The following CACNA1D variants were observed in gnomAD, a reference collection of about 807,000 sequenced individuals.
CACNA1D encodes the protein voltage-dependent L-type calcium channel subunit alpha-1D.
In CACNA1D, 55 loss-of-function variants were observed where a neutral mutation model predicts 257.1. That is an observed-to-expected ratio of 0.21 (90% CI 0.17 to 0.27). The LOEUF (loss-of-function observed/expected upper bound fraction) is 0.27. Among genes scored for constraint, CACNA1D ranks in the 10% least tolerant of loss-of-function variants. The pLI, the probability that CACNA1D is intolerant of heterozygous loss-of-function variation, is 1.00. For synonymous variants in CACNA1D, 980 were observed against 1,014.9 expected (o/e 0.97, Z 0.65); for missense variants, 1,876 against 2,784.0 (o/e 0.67, Z 7.34).
At chr3:53,767,869 GT>G (rs1173511814) in intron 30 of CACNA1D, among the ~76,000 whole-genome samples, 2 of 152,236 alleles carry the variant, frequency 1.3e-5, no homozygotes, top group African/African-American at 4.8e-5. Flanking sequence ...CCAGTGGTGT[GT>G]GGTGGGAGGG....
At chr3:53,744,936 T>A in intron 23 of CACNA1D, 109 bp downstream of exon 23, 1 of 723,702 alleles carries the variant, frequency 1.4e-6, no homozygotes, top group Non-Finnish European at 2.6e-6. Flanking sequence ...TTAAAGTGAG[T>A]TATAAGGACC....
intron 15 of CACNA1D, among the ~76,000 whole-genome samples, 153 bp downstream of exon 15, chr3:53,727,152 A>G (rs1293412420): frequency 1.3e-5 from 2 of 152,112 alleles, no homozygotes; most frequent in Non-Finnish European, 2.9e-5. Flanking sequence ...CTTTTCTTCC[A>G]TGCTGCTGGG....
intron 4 of CACNA1D, among the ~76,000 whole-genome samples, chr3:53,659,437 TATAAC>T (rs2094181724): frequency 6.6e-6 from 1 of 152,216 alleles, no homozygotes; most frequent in Admixed American, 6.5e-5. Context: ...ATTGACTACA[TATAAC>T]ATATTAAGAT....
intron 40 of CACNA1D, chr3:53,792,329 C>T (rs948826864): frequency 6.6e-6 from 1 of 152,186 alleles, no homozygotes; most frequent in Non-Finnish European, 1.5e-5. Flanking sequence ...GGAGTCTGTA[C>T]ATCTGATGCT....
At chr3:53,684,267 G>A (rs1576342979) in intron 8 of CACNA1D, among the ~76,000 whole-genome samples, 1 of 152,198 alleles carries the variant, frequency 6.6e-6, no homozygotes, top group Non-Finnish European at 1.5e-5. Context: ...AAATGTTAAA[G>A]GAGGTTCTTC....
At chr3:53,594,061 G>A (rs950013137) in intron 3 of CACNA1D, among the ~76,000 whole-genome samples, 1 of 152,226 alleles carries the variant, frequency 6.6e-6, no homozygotes, top group Non-Finnish European at 1.5e-5. Context: ...GCCTGGCAGA[G>A]TCTGACAAGG....
chr3:53,771,648 C>T (rs1267795252), intron 32 of CACNA1D, among the ~76,000 whole-genome samples: 1 of 152,220 alleles, frequency 6.6e-6, no homozygotes, highest in East Asian at 1.9e-4. Context: ...AGTACCAAAA[C>T]TTGGGAACAA....
At position 53,621,280 on chromosome 3, in the gene CACNA1D, T is replaced by C. The variant is rs150443557; in HGVS notation, c.484-29499T>C. Among the ~76,000 whole-genome samples, 710 of 152,216 alleles carry C rather than the reference T, an allele frequency of 4.7e-3. 9 individuals are homozygous for C. Among genetic ancestry groups the C allele is most frequent in the African/African-American group, 0.016 (660 of 41,528 alleles). Reference sequence around the variant, plus strand: ...AGGAGGCCCTGTGTTTTTGATACAGTGTCTCACTCTTTTTCTGAGGCACTT... The same window carrying C: ...AGGAGGCCCTGTGTTTTTGATACAGCGTCTCACTCTTTTTCTGAGGCACTT... On this transcript the variant is annotated intron_variant, in intron 3 of 47. Transcript: ENST00000350061.
intron 37 of CACNA1D, 47 bp downstream of exon 37, chr3:53,777,003 G>A: frequency 7.0e-7 from 1 of 1,434,150 alleles, no homozygotes; most frequent in Non-Finnish European, 9.8e-7. Flanking sequence ...GTAGAAGCTT[G>A]CTTCATTTAA....
At chr3:53,553,698 C>T (rs1034021023) in intron 3 of CACNA1D, among the ~76,000 whole-genome samples, 2 of 151,994 alleles carry the variant, frequency 1.3e-5, no homozygotes, top group Admixed American at 6.6e-5. Flanking sequence ...TGACAAGTCA[C>T]ATGTACACAC....
intron 3 of CACNA1D, among the ~76,000 whole-genome samples, chr3:53,613,660 C>T (rs2093606448): frequency 6.6e-6 from 1 of 152,074 alleles, no homozygotes; most frequent in African/African-American, 2.4e-5. Flanking sequence ...CTGTGAATTT[C>T]CTCACTGAGA....
chr3:53,806,963 G>C (rs60910387), intron 45 of CACNA1D, among the ~76,000 whole-genome samples: 2 of 152,142 alleles, frequency 1.3e-5, no homozygotes, highest in African/African-American at 4.8e-5. Context: ...AATCCCACCA[G>C]CCACAGTGCC....
intron 3 of CACNA1D, among the ~76,000 whole-genome samples, chr3:53,549,217 T>C (rs1228997265): frequency 6.6e-6 from 1 of 152,218 alleles, no homozygotes; most frequent in Non-Finnish European, 1.5e-5. Flanking sequence ...ATTTTCTTTT[T>C]GTCACGTACT....
chr3:53,784,855 C>G (rs1213797044), intron 39 of CACNA1D, among the ~76,000 whole-genome samples: 2 of 152,176 alleles, frequency 1.3e-5, no homozygotes, highest in African/African-American at 4.8e-5. Flanking sequence ...GCCAGTGTGG[C>G]TGGAGACGGC....
intron 7 of CACNA1D, among the ~76,000 whole-genome samples, chr3:53,672,758 C>CTGTG (rs57956658): frequency 0.018 from 1,680 of 95,036 alleles, 31 homozygotes; most frequent in Admixed American, 0.022. Context: ...CTTGATGACT[C>CTGTG]TGTGTGTGTG....
chr3:53,747,187 G>A (rs1324037329), intron 25 of CACNA1D, 115 bp from the exon 26 acceptor site: 11 of 743,278 alleles, frequency 1.5e-5, no homozygotes, highest in South Asian at 5.1e-5. Context: ...TGTGACAGGC[G>A]GGCGGACTGA....
intron 3 of CACNA1D, among the ~76,000 whole-genome samples, chr3:53,647,136 G>C (rs1394047830): frequency 1.3e-5 from 2 of 152,062 alleles, no homozygotes; most frequent in South Asian, 2.1e-4. Context: ...GGGAGGGAGT[G>C]GGGGGACATC....
intron 3 of CACNA1D, among the ~76,000 whole-genome samples, chr3:53,645,827 T>C (rs1475559820): frequency 6.6e-6 from 1 of 152,110 alleles, no homozygotes; most frequent in Non-Finnish European, 1.5e-5. Context: ...AAGCAGAGTG[T>C]AGTCTGATGA....
intron 3 of CACNA1D, among the ~76,000 whole-genome samples, chr3:53,609,272 C>G (rs545882567): frequency 6.6e-6 from 1 of 151,772 alleles, no homozygotes; most frequent in Non-Finnish European, 1.5e-5. Context: ...TAGCTGGGCA[C>G]GGTGGTGGGC....
Sources: gnomAD v4.1 joint callset for allele counts (sites outside exome capture counted in the v4.1 genomes callset) on GRCh38, gnomAD v4.1.1 for gene constraint, MANE v1.5 for transcripts, NCBI Gene and HGNC (gene_info 2026-07-23, HGNC 2026-07-21) for gene names.